Variants in MGST1 observed in about 807,000 individuals in gnomAD.
MGST1 encodes glutathione S-transferase 12.
A neutral mutation model predicts 8.9 loss-of-function variants in MGST1; 5 were observed. That is an observed-to-expected ratio of 0.56 (90% CI 0.29 to 1.19). The LOEUF (loss-of-function observed/expected upper bound fraction) is 1.19, where lower values mean the gene tolerates loss of function less well. MGST1 is among the 50% of genes most tolerant of loss of function. MGST1 has a pLI of 0.08. For synonymous variants in MGST1, 54 were observed against 67.8 expected, an observed-to-expected ratio of 0.80 and a Z score of 1.00; for missense variants, 182 against 187.4, an observed-to-expected ratio of 0.97 and a Z score of 0.17.
intron 1 of MGST1, among the ~76,000 whole-genome samples, chr12:16,421,525 G>C (rs1272006962): frequency 6.6e-6 from 1 of 152,138 alleles, no homozygotes; most frequent in African/African-American, 2.4e-5. Flanking sequence ...TATGACTGCA[G>C]ATCTAGGATC....
chr12:16,387,626 A>C (rs1940515692), intron 1 of MGST1, among the ~76,000 whole-genome samples: 1 of 150,832 alleles, frequency 6.6e-6, no homozygotes, highest in Non-Finnish European at 1.5e-5. Flanking sequence ...TCCCACGTTC[A>C]CGCCATTCTC....
chr12:16,498,552 A>G (rs891792489), intron 4 of MGST1, among the ~76,000 whole-genome samples: 1 of 152,206 alleles, frequency 6.6e-6, no homozygotes, highest in Admixed American at 6.5e-5. Context: ...GAGGTAGTAC[A>G]TCTCTTCTCA....
At chr12:16,423,427 T>C (rs189555008) in intron 1 of MGST1, among the ~76,000 whole-genome samples, 2 of 152,030 alleles carry the variant, frequency 1.3e-5, no homozygotes, top group African/African-American at 2.4e-5. Context: ...CCCTAACCTA[T>C]GTACAAAAAA....
chr12:16,437,266 T>G (rs1473643364), intron 1 of MGST1: 1 of 151,862 alleles, frequency 6.6e-6, no homozygotes, highest in East Asian at 1.9e-4. Context: ...ATAGACCAGA[T>G]TGTCGGGAAT....
At chr12:16,527,334 T>G (rs1214844902) in intron 4 of MGST1, among the ~76,000 whole-genome samples, 1 of 152,064 alleles carries the variant, frequency 6.6e-6, no homozygotes. Context: ...TGATTTAGGA[T>G]TCTGTAATTA....
intron 1 of MGST1, among the ~76,000 whole-genome samples, chr12:16,435,553 A>C (rs1940977165): frequency 6.6e-6 from 1 of 151,930 alleles, no homozygotes; most frequent in African/African-American, 2.4e-5. Flanking sequence ...TTCCTTTGTC[A>C]TCATTCTTAG....
At chr12:16,539,345 G>A (rs1337698691) in intron 4 of MGST1, among the ~76,000 whole-genome samples, 1 of 152,052 alleles carries the variant, frequency 6.6e-6, no homozygotes, top group Non-Finnish European at 1.5e-5. Flanking sequence ...GAGTAAGGGG[G>A]TATTACATTT....
intron 4 of MGST1, among the ~76,000 whole-genome samples, chr12:16,447,698 G>A (rs1381622261): frequency 6.6e-6 from 1 of 151,878 alleles, no homozygotes; most frequent in Non-Finnish European, 1.5e-5. Context: ...AGGCATCCTG[G>A]AGGCTCTCCT....
At chr12:16,393,401 C>G (rs981683137) in intron 1 of MGST1, among the ~76,000 whole-genome samples, 3 of 152,244 alleles carry the variant, frequency 2.0e-5, no homozygotes, top group Non-Finnish European at 4.4e-5. Flanking sequence ...AATAGCCACA[C>G]TCTCAGAGCC....
chr12:16,454,653 T>C (rs1364859184), intron 4 of MGST1, among the ~76,000 whole-genome samples: 2 of 151,800 alleles, frequency 1.3e-5, no homozygotes, highest in Non-Finnish European at 2.9e-5. Flanking sequence ...ACATATTTCA[T>C]TTCTGACGTC....
At chr12:16,506,343 C>T (rs540090022) in intron 4 of MGST1, among the ~76,000 whole-genome samples, 2 of 152,196 alleles carry the variant, frequency 1.3e-5, no homozygotes, top group Non-Finnish European at 2.9e-5. Context: ...TTATAATGGG[C>T]AGTAAGTTTG....
At chr12:16,524,428 G>A (rs2900389) in intron 4 of MGST1, among the ~76,000 whole-genome samples, 150,236 of 152,140 alleles carry the variant, frequency 0.99, 74,215 homozygotes, top group East Asian at 1. Context: ...AGATCTGAAT[G>A]AACTGTGGAG....
chr12:16,422,537 G>A (rs1940847944), intron 1 of MGST1, among the ~76,000 whole-genome samples: 3 of 152,222 alleles, frequency 2.0e-5, no homozygotes, highest in South Asian at 4.2e-4. Context: ...TGCAATTTTG[G>A]TAGCTGACAA....
intron 1 of MGST1, among the ~76,000 whole-genome samples, chr12:16,386,173 T>A (rs1416633168): frequency 3.3e-5 from 5 of 152,208 alleles, no homozygotes; most frequent in African/African-American, 1.2e-4. Flanking sequence ...CCAAGCAGTT[T>A]GTGGTTTGGA....
chr12:16,398,996 G>A (rs1043869132), intron 1 of MGST1, among the ~76,000 whole-genome samples: 31 of 152,128 alleles, frequency 2.0e-4, no homozygotes, highest in African/African-American at 7.5e-4. Flanking sequence ...AAGGTGACAG[G>A]AAGAAAGAAG....
At chr12:16,577,495 T>C (rs1294437982) in intron 4 of MGST1, among the ~76,000 whole-genome samples, 1 of 152,112 alleles carries the variant, frequency 6.6e-6, no homozygotes, top group East Asian at 1.9e-4. Context: ...ACTCCCTCCT[T>C]CTACCCTCCA....
At chr12:16,374,115 G>A (rs1290669990) in intron 3 of MGST1, among the ~76,000 whole-genome samples, 1 of 152,082 alleles carries the variant, frequency 6.6e-6, no homozygotes, top group Non-Finnish European at 1.5e-5. Flanking sequence ...TCACTTCTCA[G>A]AAACGGTAGC....
chr12:16,388,147 G>A (rs117625050), intron 1 of MGST1, among the ~76,000 whole-genome samples: 5,640 of 151,142 alleles, frequency 0.037, 132 homozygotes, highest in Non-Finnish European at 0.058. Context: ...TGCCATAAAA[G>A]TGATGACAAA....
chr12:16,441,521 AT>A (rs1234981018), downstream of MGST1, among the ~76,000 whole-genome samples: 2 of 151,786 alleles, frequency 1.3e-5, no homozygotes, highest in Non-Finnish European at 2.9e-5. Flanking sequence ...GCTAGCGATC[AT>A]TGACTTTTTA....
Sources: allele counts gnomAD v4.1 joint callset (sites outside exome capture counted in the v4.1 genomes callset), GRCh38; gene constraint gnomAD v4.1.1; transcripts MANE v1.5; gene names NCBI Gene and HGNC (gene_info 2026-07-23, HGNC 2026-07-21).